TNR: variants seen among roughly 807,000 people sequenced by gnomAD.
The protein encoded by TNR is tenascin R.
Under a neutral mutation model 150.4 loss-of-function variants are expected in TNR, and 45 were observed. The observed-to-expected ratio is 0.30, with a 90% CI of 0.24 to 0.38. The LOEUF (loss-of-function observed/expected upper bound fraction) is 0.38. TNR is among the 10% of genes least tolerant of loss of function. TNR has a pLI of 1.00. For synonymous variants in TNR, 687 were observed against 678.4 expected (o/e 1.01, Z -0.20); for missense variants, 1,544 against 1,759.1 (o/e 0.88, Z 2.19).
intron 1 of TNR, among the ~76,000 whole-genome samples, chr1:175,550,720 G>A (rs992263921): frequency 6.6e-6 from 1 of 151,422 alleles, no homozygotes; most frequent in Non-Finnish European, 1.5e-5. Context: ...GAAATCTCTA[G>A]TATAGAAAAA....
chr1:175,394,513 C>G (rs935630616), intron 5 of TNR, among the ~76,000 whole-genome samples: 2 of 152,146 alleles, frequency 1.3e-5, no homozygotes, highest in Admixed American at 6.5e-5. Context: ...CTCTTTTCCT[C>G]CCACCACCCC....
At chr1:175,403,080 G>T in intron 4 of TNR, 60 bp downstream of exon 4, 1 of 1,376,064 alleles carries the variant, frequency 7.3e-7, no homozygotes, top group Non-Finnish European at 1.0e-6. Flanking sequence ...CTAACTGGAG[G>T]CATCCAGCTA....
intron 1 of TNR, among the ~76,000 whole-genome samples, chr1:175,615,782 T>C (rs1229417556): frequency 1.3e-5 from 2 of 152,190 alleles, no homozygotes; most frequent in Non-Finnish European, 2.9e-5. Context: ...CACACTTATT[T>C]ACAGTCTGCA....
chr1:175,413,644 T>G (rs1348811008), intron 2 of TNR, among the ~76,000 whole-genome samples: 1 of 147,930 alleles, frequency 6.8e-6, no homozygotes, highest in Non-Finnish European at 1.5e-5. Flanking sequence ...AGTCCAGGAC[T>G]AGAACCAAAA....
At chr1:175,637,442 G>C (rs892929941) in intron 1 of TNR, among the ~76,000 whole-genome samples, 7 of 152,200 alleles carry the variant, frequency 4.6e-5, no homozygotes, top group Non-Finnish European at 4.4e-5. Context: ...CAAATGCACA[G>C]ACTACATTGA....
chr1:175,357,939 G>C (rs1047496161), intron 15 of TNR, among the ~76,000 whole-genome samples: 1 of 152,234 alleles, frequency 6.6e-6, no homozygotes, highest in African/African-American at 2.4e-5. Context: ...TGCTCTGTTA[G>C]AGCTGTGTGT....
At chr1:175,673,561 C>A (rs1480832625) in intron 1 of TNR, among the ~76,000 whole-genome samples, 1 of 152,254 alleles carries the variant, frequency 6.6e-6, no homozygotes, top group Non-Finnish European at 1.5e-5. Flanking sequence ...TTCATTTAGT[C>A]TTTCAACAAA....
At chr1:175,646,905 G>T (rs575848423) in intron 1 of TNR, among the ~76,000 whole-genome samples, 3 of 152,266 alleles carry the variant, frequency 2.0e-5, no homozygotes, top group Non-Finnish European at 2.9e-5. Context: ...GATCCAATAC[G>T]TCCCAAAGAG....
intron 21 of TNR, 95 bp downstream of exon 21, chr1:175,329,979 G>T: frequency 1.5e-6 from 2 of 1,297,514 alleles, no homozygotes; most frequent in East Asian, 2.5e-5. Flanking sequence ...GAACTCTGTG[G>T]GTGCTGCTGC....
intron 2 of TNR, among the ~76,000 whole-genome samples, chr1:175,522,645 T>C (rs1659686176): frequency 6.6e-6 from 1 of 152,136 alleles, no homozygotes. Flanking sequence ...CAGTATGTAG[T>C]ACTGGAGGAA....
Position 175,632,276 on chromosome 1 carries a change from A to G in TNR, c.-164-103907T>C, listed in dbSNP as rs56923506. On this transcript the variant is annotated intron_variant, in intron 1 of 22. Transcript: ENST00000367674. ...TGTGATTCTTAGAGATGGTGTGAAG[A>G]GAACCAGTTTCTCTCTGTTCCCAAG... Among the ~76,000 whole-genome samples, 253 of 152,358 alleles carry G rather than the reference A, an allele frequency of 1.7e-3. 3 individuals carry two copies. The highest frequency in any genetic ancestry group is 6.0e-3 in the African/African-American group (248 of 41,590).
chr1:175,423,962 C>T (rs1344680219), intron 2 of TNR, among the ~76,000 whole-genome samples: 1 of 151,938 alleles, frequency 6.6e-6, no homozygotes, highest in African/African-American at 2.4e-5. Context: ...AGAATCCCTG[C>T]ACCAAGGCCC....
At chr1:175,549,452 TA>T (rs1460514168) in intron 1 of TNR, among the ~76,000 whole-genome samples, 3 of 152,230 alleles carry the variant, frequency 2.0e-5, no homozygotes, top group African/African-American at 4.8e-5. Context: ...GGCAGAATCT[TA>T]AGATAGCCTG....
chr1:175,648,149 C>T (rs973888207), intron 1 of TNR, among the ~76,000 whole-genome samples: 18 of 152,058 alleles, frequency 1.2e-4, no homozygotes, highest in Non-Finnish European at 2.1e-4. Flanking sequence ...TTTTATTCTG[C>T]CTGGATTTAC....
intron 1 of TNR, among the ~76,000 whole-genome samples, chr1:175,705,310 G>A (rs1476560413): frequency 1.3e-5 from 2 of 152,124 alleles, no homozygotes; most frequent in African/African-American, 4.8e-5. Flanking sequence ...ATTTTAAAAT[G>A]TATGCTGAAT....
At chr1:175,528,037 GAAAT>G (rs1659916648) in intron 2 of TNR, among the ~76,000 whole-genome samples, 1 of 152,164 alleles carries the variant, frequency 6.6e-6, no homozygotes, top group Admixed American at 6.5e-5. Context: ...AATGCATTCA[GAAAT>G]ATTTTATGAG....
intron 1 of TNR, among the ~76,000 whole-genome samples, chr1:175,592,821 GTT>G: frequency 1.3e-5 from 2 of 152,250 alleles, no homozygotes; most frequent in East Asian, 3.9e-4. Context: ...ATTCTTGTTA[GTT>G]TCAGGTTGGG....
chr1:175,721,538 C>T (rs1667300733), intron 1 of TNR, among the ~76,000 whole-genome samples: 1 of 152,136 alleles, frequency 6.6e-6, no homozygotes, highest in Non-Finnish European at 1.5e-5. Context: ...TCTCTTGAAA[C>T]CCGTTAGCTG....
At chr1:175,393,686 A>G (rs1273538307) in intron 6 of TNR, 94 bp downstream of exon 6, 1 of 967,558 alleles carries the variant, frequency 1.0e-6, no homozygotes, top group African/African-American at 1.6e-5. Context: ...GGAGAGAGAT[A>G]TTGGGTAGCA....
Sources: gnomAD v4.1 joint callset for allele counts (sites outside exome capture counted in the v4.1 genomes callset) on GRCh38, gnomAD v4.1.1 for gene constraint, MANE v1.5 for transcripts, NCBI Gene and HGNC (gene_info 2026-07-23, HGNC 2026-07-21) for gene names.